The following COL28A1 variants were observed in gnomAD, a reference collection of about 807,000 sequenced individuals.
The protein encoded by COL28A1 is collagen alpha-1(XXVIII) chain.
COL28A1 carries 161 observed loss-of-function variants against 150.2 expected under a neutral mutation model. The observed-to-expected ratio is 1.07, with a 90% CI of 0.94 to 1.22. The LOEUF (loss-of-function observed/expected upper bound fraction) is 1.22, where lower values mean the gene tolerates loss of function less well. Ranked by LOEUF, COL28A1 falls within the 50% of genes most tolerant of loss-of-function variation. COL28A1 has a pLI of 0.00. For missense variants in COL28A1, 1,617 were observed against 1,388.3 expected (o/e 1.16, Z -2.62); for synonymous variants, 552 against 469.7 (o/e 1.18, Z -2.26).
the COL28A1 span, among the ~76,000 whole-genome samples, chr7:7,345,507 C>T: frequency 6.6e-6 from 1 of 152,042 alleles, no homozygotes; most frequent in East Asian, 1.9e-4. Context: ...AAAAAACTTC[C>T]TATACCATTT....
intron 11 of COL28A1, among the ~76,000 whole-genome samples, chr7:7,502,057 G>T (rs1252960396): frequency 6.6e-6 from 1 of 152,094 alleles, no homozygotes; most frequent in African/African-American, 2.4e-5. Context: ...ACCACGCCCG[G>T]CTAATTTTTG....
intron 25 of COL28A1, chr7:7,431,278 A>G (rs933011203): frequency 4.5e-6 from 1 of 221,288 alleles, no homozygotes; most frequent in African/African-American, 2.3e-5. Context: ...TAGAGCTCCT[A>G]CTGAATGGTA....
chr7:7,484,252 A>T (rs1779505450), intron 13 of COL28A1, among the ~76,000 whole-genome samples: 1 of 152,224 alleles, frequency 6.6e-6, no homozygotes, highest in Non-Finnish European at 1.5e-5. Context: ...CAGACTAAAG[A>T]CATGGAAACA....
chr7:7,493,085 CAAT>C (rs201909975), intron 11 of COL28A1, among the ~76,000 whole-genome samples: 2,309 of 146,130 alleles, frequency 0.016, 51 homozygotes, highest in African/African-American at 0.055. Context: ...ATTAAAAATA[CAAT>C]AATAATATCT....
chr7:7,380,412 T>C (rs1433541792), intron 30 of COL28A1, among the ~76,000 whole-genome samples: 1 of 152,146 alleles, frequency 6.6e-6, no homozygotes, highest in Non-Finnish European at 1.5e-5. Flanking sequence ...TGATCATTTC[T>C]ACCAAGCATC....
intron 27 of COL28A1, among the ~76,000 whole-genome samples, chr7:7,413,661 G>GT (rs1238095115): frequency 2.0e-5 from 3 of 152,092 alleles, no homozygotes; most frequent in Non-Finnish European, 4.4e-5. Context: ...GGAAGACAAG[G>GT]TTTTTTAAAA....
chr7:7,417,215 T>C (rs961884832), intron 27 of COL28A1, among the ~76,000 whole-genome samples: 1 of 151,776 alleles, frequency 6.6e-6, no homozygotes, highest in African/African-American at 2.4e-5. Context: ...GACAAGCTTG[T>C]TGCTGCTGAC....
At chr7:7,509,636 G>GTTTTTTTTTTTTTT (rs202091752) in intron 9 of COL28A1, among the ~76,000 whole-genome samples, 1 of 151,088 alleles carries the variant, frequency 6.6e-6, no homozygotes, top group African/African-American at 2.4e-5. Flanking sequence ...TTGGCAGTGG[G>GTTTTTTTTTTTTTT]TTTTTTTTGT....
At position 7,422,537 on chromosome 7, in the gene COL28A1, G is replaced by C. The variant is rs181729678; in HGVS notation, c.1999-2584C>G. Among the ~76,000 whole-genome samples, 142 of 152,128 alleles carry C rather than the reference G, an allele frequency of 9.3e-4. 1 individual carries two copies. Among genetic ancestry groups the C allele is most frequent in the African/African-American group, 3.3e-3 (136 of 41,488 alleles). On this transcript the variant is annotated intron_variant, in intron 25 of 34. Coordinates refer to ENST00000399429, the MANE Select transcript of COL28A1 (RefSeq NM_001037763.3). ...CCAGCTACTGGGGAGGCTGAGGCGG[G>C]AGAATCACTTGAACCCGGGAGGCAG...
rs1306071882 is a variant in COL28A1 at position 7,444,940 on chromosome 7, G to T, written c.1510-451C>A. ...TATGGGGGTGGACCTCCCCCTTGCT[G>T]TTCTTATAATAGAGTTCTCATGATA... On this transcript the variant is annotated intron_variant, in intron 18 of 34. Transcript: ENST00000399429. Among the ~76,000 whole-genome samples, 2 of 152,072 alleles carry T rather than the reference G, an allele frequency of 1.3e-5. 1 individual carries two copies. Among genetic ancestry groups the T allele is most frequent in the Non-Finnish European group, 2.9e-5 (2 of 68,000 alleles).
intron 34 of COL28A1, among the ~76,000 whole-genome samples, chr7:7,359,290 CA>C (rs5882121): frequency 0.89 from 129,312 of 145,072 alleles, 57,871 homozygotes; most frequent in East Asian, 0.99. Flanking sequence ...CTTTAAGTTA[CA>C]AAAAAAAAAA....
intron 26 of COL28A1, among the ~76,000 whole-genome samples, chr7:7,418,197 C>T (rs73674540): frequency 0.021 from 3,249 of 152,314 alleles, 109 homozygotes; most frequent in African/African-American, 0.073. Context: ...GGCCCAGGGC[C>T]TCATCTGCTT....
chr7:7,419,334 C>T (rs1266162628), intron 26 of COL28A1, among the ~76,000 whole-genome samples: 1 of 152,090 alleles, frequency 6.6e-6, no homozygotes, highest in Non-Finnish European at 1.5e-5. Context: ...TCTCTGAAGC[C>T]AGGGAAGGGA....
At chr7:7,372,935 G>A in intron 32 of COL28A1, 63 bp downstream of exon 32, 1 of 1,413,956 alleles carries the variant, frequency 7.1e-7, no homozygotes, top group South Asian at 1.3e-5. Context: ...GGACAAACCA[G>A]TGATATGGTA....
In COL28A1 at chr7:7,385,815, A is replaced by T. The variant is rs564748087; in HGVS notation, c.2137-4203T>A. On this transcript the variant is annotated intron_variant, in intron 27 of 34. Transcript: ENST00000399429. The stretch of plus-strand genomic sequence containing the variant: ...AGGCAGCTAGATTTCCCTATAATAA[A>T]GGCAATTCATTTTCTTTTTAATCAC... Among the ~76,000 whole-genome samples, 56 of 152,340 alleles carry T rather than the reference A, an allele frequency of 3.7e-4. 1 individual carries two copies. In the South Asian group the frequency reaches 0.011, roughly 29 times the overall value.
chr7:7,371,413 C>A (rs1207766923), intron 32 of COL28A1, among the ~76,000 whole-genome samples: 1 of 152,192 alleles, frequency 6.6e-6, no homozygotes, highest in East Asian at 1.9e-4. Context: ...AAGTAGAACC[C>A]TAGGTTAGAA....
At chr7:7,383,807 T>C (rs1782032263) in intron 27 of COL28A1, among the ~76,000 whole-genome samples, 2 of 151,536 alleles carry the variant, frequency 1.3e-5, no homozygotes, top group Admixed American at 6.6e-5. Context: ...ATTTAGGTTA[T>C]TTCCAATATT....
intron 7 of COL28A1, among the ~76,000 whole-genome samples, chr7:7,516,663 A>C (rs1235502717): frequency 9.2e-5 from 14 of 152,250 alleles, no homozygotes; most frequent in Admixed American, 9.2e-4. Context: ...AGAGCTGAAG[A>C]AACCTATTTA....
intron 15 of COL28A1, among the ~76,000 whole-genome samples, chr7:7,473,692 A>G (rs1422755093): frequency 6.6e-6 from 1 of 152,140 alleles, no homozygotes; most frequent in Non-Finnish European, 1.5e-5. Flanking sequence ...CTGGGTATCT[A>G]CCCAGAGGAA....
Sources: allele counts gnomAD v4.1 joint callset (sites outside exome capture counted in the v4.1 genomes callset), GRCh38; gene constraint gnomAD v4.1.1; transcripts MANE v1.5; gene names NCBI Gene and HGNC (gene_info 2026-07-23, HGNC 2026-07-21).